Variants in NCOA1 observed in about 807,000 individuals in gnomAD.
NCOA1 encodes the protein nuclear receptor coactivator 1.
In NCOA1, 35 loss-of-function variants were observed where a neutral mutation model predicts 150.9. The observed-to-expected ratio is 0.23, with a 90% CI of 0.18 to 0.31. NCOA1 has a LOEUF of 0.31. Among genes scored for constraint, NCOA1 ranks in the 10% least tolerant of loss-of-function variants. The probability of loss-of-function intolerance (pLI) is 1.00; values close to 1 mark genes in which losing one functional copy is unlikely to be tolerated. For missense variants in NCOA1, 1,491 were observed against 1,749.3 expected (o/e 0.85, Z 2.63); for synonymous variants, 590 against 630.0 (o/e 0.94, Z 0.95).
At chr2:24,531,229 C>A (rs1042230379) in intron 1 of NCOA1, among the ~76,000 whole-genome samples, 5 of 152,058 alleles carry the variant, frequency 3.3e-5, no homozygotes, top group Non-Finnish European at 7.4e-5. Context: ...CCAGCAATCC[C>A]CCTTATGGTT....
chr2:24,729,703 G>A lies in NCOA1; in HGVS notation c.3089G>A (p.Gly1030Asp). The change falls in exon 17 of 23, where the codon GGT becomes GAT. Residue 1030 changes from glycine (G) to aspartate (D), a missense_variant. Transcript: ENST00000348332. ...TMPVQVTPPRGAFSPGMGMQP... is the reference protein window; with the variant it reads ...TMPVQVTPPRDAFSPGMGMQP... ...CCTGTTCAAGTAACACCTCCCCGAG[G>A]TGCTTTTTCACCTGGCATGGGCATG... is the stretch of plus-strand genomic sequence containing the variant. 1.9e-6 allele frequency: 3 copies of A among 1,614,204 alleles called. No individual in the cohort carries two copies. The highest frequency in any genetic ancestry group is 2.5e-6 in the Non-Finnish European group (3 of 1,180,046).
At chr2:24,687,601 A>G (rs1672467388) in intron 8 of NCOA1, among the ~76,000 whole-genome samples, 2 of 152,158 alleles carry the variant, frequency 1.3e-5, no homozygotes, top group African/African-American at 4.8e-5. Context: ...ATGAGAGAAG[A>G]GGAAGCAATT....
At chr2:24,726,791 T>A in intron 15 of NCOA1, 85 bp downstream of exon 15, 1 of 668,592 alleles carries the variant, frequency 1.5e-6, no homozygotes, top group Non-Finnish European at 2.4e-6. Flanking sequence ...CATTTCAGTC[T>A]ACAGTGGTAT....
At chr2:24,495,294 C>A (rs1430434356) in intron 1 of NCOA1, among the ~76,000 whole-genome samples, 31 of 152,122 alleles carry the variant, frequency 2.0e-4, no homozygotes, top group Admixed American at 2.0e-3. Flanking sequence ...ATCCATGCTT[C>A]TTCCCCCATA....
At chr2:24,567,525 A>C (rs1446983134) in intron 2 of NCOA1, among the ~76,000 whole-genome samples, 2 of 152,208 alleles carry the variant, frequency 1.3e-5, no homozygotes, top group African/African-American at 2.4e-5. Flanking sequence ...GGAAGACTAG[A>C]TACACCCATC....
chr2:24,699,477 T>G (rs908581676), intron 11 of NCOA1, among the ~76,000 whole-genome samples: 1 of 152,200 alleles, frequency 6.6e-6, no homozygotes, highest in Non-Finnish European at 1.5e-5. Context: ...TGAAATAATT[T>G]AGAGTAAAAT....
chr2:24,704,779 A>G (rs79206288), intron 11 of NCOA1, among the ~76,000 whole-genome samples: 55 of 147,716 alleles, frequency 3.7e-4, no homozygotes, highest in Middle Eastern at 3.6e-3. Flanking sequence ...TCTCAAAAGA[A>G]AAAAAAAAAA....
chr2:24,598,379 A>G (rs955646563), intron 3 of NCOA1, among the ~76,000 whole-genome samples: 1 of 152,234 alleles, frequency 6.6e-6, no homozygotes, highest in South Asian at 2.1e-4. Flanking sequence ...ATATATTGCT[A>G]TATTGGAATC....
intron 10 of NCOA1, among the ~76,000 whole-genome samples, chr2:24,696,027 G>T (rs1401459407): frequency 6.6e-6 from 1 of 152,120 alleles, no homozygotes; most frequent in Non-Finnish European, 1.5e-5. Context: ...AACAAGGGTT[G>T]AACAATTAAA....
At chr2:24,527,876 G>T (rs1664717736) in intron 1 of NCOA1, among the ~76,000 whole-genome samples, 1 of 152,112 alleles carries the variant, frequency 6.6e-6, no homozygotes, top group African/African-American at 2.4e-5. Flanking sequence ...GGTTTAAGGT[G>T]ATATCTCATA....
intron 3 of NCOA1, among the ~76,000 whole-genome samples, chr2:24,635,169 A>T (rs1558859919): frequency 6.6e-6 from 1 of 151,002 alleles, no homozygotes; most frequent in Non-Finnish European, 1.5e-5. Flanking sequence ...TCTTCCCCCC[A>T]TTCCTTCATA....
At chr2:24,531,488 T>C (rs1454956129) in intron 1 of NCOA1, among the ~76,000 whole-genome samples, 3 of 152,186 alleles carry the variant, frequency 2.0e-5, no homozygotes, top group African/African-American at 7.2e-5. Context: ...GTAGGGTACA[T>C]GTGCACATGT....
intron 17 of NCOA1, among the ~76,000 whole-genome samples, chr2:24,736,501 T>C (rs1275843125): frequency 4.6e-5 from 7 of 152,208 alleles, no homozygotes; most frequent in African/African-American, 1.7e-4. Context: ...TCATCTTTTA[T>C]ATATTATAGA....
chr2:24,759,288 G>C (rs758143626), intron 21 of NCOA1, among the ~76,000 whole-genome samples: 17 of 152,096 alleles, frequency 1.1e-4, no homozygotes, highest in Non-Finnish European at 1.9e-4. Flanking sequence ...AAGAAAAAAG[G>C]CCTGGTCAAA....
At chr2:24,545,281 A>C (rs1195650305) in intron 1 of NCOA1, among the ~76,000 whole-genome samples, 1 of 152,224 alleles carries the variant, frequency 6.6e-6, no homozygotes, top group Non-Finnish European at 1.5e-5. Flanking sequence ...AAATATGCAA[A>C]ATGCAAAAGG....
At chr2:24,541,011 A>G (rs554913953) in intron 1 of NCOA1, among the ~76,000 whole-genome samples, 74 of 152,190 alleles carry the variant, frequency 4.9e-4, no homozygotes, top group Admixed American at 1.1e-3. Flanking sequence ...AGATACTACT[A>G]TCTCACTTGG....
intron 5 of NCOA1, among the ~76,000 whole-genome samples, chr2:24,659,313 A>G (rs1671080192): frequency 6.6e-6 from 1 of 152,230 alleles, no homozygotes; most frequent in African/African-American, 2.4e-5. Flanking sequence ...TTGCTATCTT[A>G]GAACATTATG....
At chr2:24,674,698 A>G (rs1671828555) in intron 7 of NCOA1, among the ~76,000 whole-genome samples, 1 of 152,072 alleles carries the variant, frequency 6.6e-6, no homozygotes, top group Non-Finnish European at 1.5e-5. Flanking sequence ...AAGTGACACA[A>G]TTTCTTAGCA....
At chr2:24,765,480 C>T (rs2148706043) in intron 22 of NCOA1, among the ~76,000 whole-genome samples, 1 of 145,404 alleles carries the variant, frequency 6.9e-6, no homozygotes, top group African/African-American at 2.6e-5. Flanking sequence ...GCCTGGGCGA[C>T]AGAGCAAGAC....
Sources: allele counts gnomAD v4.1 joint callset (sites outside exome capture counted in the v4.1 genomes callset), GRCh38; gene constraint gnomAD v4.1.1; transcripts MANE v1.5; gene names NCBI Gene and HGNC (gene_info 2026-07-23, HGNC 2026-07-21).